Variants in ASH1L observed in about 807,000 individuals in gnomAD.
ASH1L encodes the protein ASH1 like histone lysine methyltransferase, also known as histone-lysine N-methyltransferase ASH1L.
A neutral mutation model predicts 269.0 loss-of-function variants in ASH1L; 23 were observed. The ratio of observed to expected loss-of-function variants is 0.09; its 90% CI spans 0.06 to 0.12. The LOEUF (loss-of-function observed/expected upper bound fraction) is 0.12. ASH1L is among the 10% of genes least tolerant of loss of function. The pLI is 1.00. For missense variants in ASH1L, 2,912 were observed against 3,567.8 expected (o/e 0.82, Z 4.68); for synonymous variants, 1,187 against 1,253.5 (o/e 0.95, Z 1.12).
At chr1:155,440,667 T>G (rs1662479719) in intron 4 of ASH1L, 1 of 220,304 alleles carries the variant, frequency 4.5e-6, no homozygotes, top group Non-Finnish European at 7.7e-6. Context: ...TTAAAAACTT[T>G]CTAGCCTGAG....
intron 1 of ASH1L, among the ~76,000 whole-genome samples, chr1:155,552,784 C>T (rs1019834877): frequency 6.6e-6 from 1 of 152,090 alleles, no homozygotes; most frequent in Non-Finnish European, 1.5e-5. Context: ...AAGGACATTG[C>T]TTATATACAC....
chr1:155,440,087 A>C (rs1015597562), intron 4 of ASH1L, among the ~76,000 whole-genome samples: 21 of 152,040 alleles, frequency 1.4e-4, no homozygotes, highest in African/African-American at 3.9e-4. Context: ...AGGTGGAAGG[A>C]TCACTTGATG....
chr1:155,476,836 A>G (rs1570929431), intron 3 of ASH1L, among the ~76,000 whole-genome samples: 1 of 152,106 alleles, frequency 6.6e-6, no homozygotes, highest in Admixed American at 6.6e-5. Context: ...TACAGGTGTG[A>G]GCCACTGCGC....
At chr1:155,548,521 T>C (rs953974837) in intron 1 of ASH1L, among the ~76,000 whole-genome samples, 3 of 152,180 alleles carry the variant, frequency 2.0e-5, no homozygotes, top group African/African-American at 4.8e-5. Flanking sequence ...AGACTCCGTA[T>C]CAAACAAAAG....
chr1:155,371,119 G>A, intron 10 of ASH1L, 136 bp from the exon 11 acceptor site: 1 of 745,408 alleles, frequency 1.3e-6, no homozygotes, highest in Non-Finnish European at 2.2e-6. Flanking sequence ...GAATCACTAA[G>A]ATTAAAATAA....
chr1:155,461,230 G>A (rs1471126733), intron 3 of ASH1L, among the ~76,000 whole-genome samples: 1 of 152,162 alleles, frequency 6.6e-6, no homozygotes, highest in African/African-American at 2.4e-5. Context: ...CTAAGTTGCT[G>A]TTTCCTTTTC....
In ASH1L at chr1:155,346,614, T is replaced by C. The variant is rs557891236; in HGVS notation, c.7804-145A>G. On this transcript the variant is annotated intron_variant, in intron 20 of 27. Transcript: ENST00000392403. ...AACTGGGTGAATGATAAATTAGAGATAAATGGTAAAATAGGAGGAAAACAA... is the reference window on the plus strand; with the variant it reads ...AACTGGGTGAATGATAAATTAGAGACAAATGGTAAAATAGGAGGAAAACAA... 7.5e-5 allele frequency: 51 copies of C among 676,016 alleles called. 1 individual carries two copies. In the South Asian group the frequency reaches 8.4e-4, roughly 11 times the overall value. 41.9% of individuals were successfully genotyped at this position (676,016 alleles called of 1,614,324 possible).
At chr1:155,355,037 C>A (rs1180395499) in intron 15 of ASH1L, among the ~76,000 whole-genome samples, 1 of 152,162 alleles carries the variant, frequency 6.6e-6, no homozygotes, top group Non-Finnish European at 1.5e-5. Flanking sequence ...AGGTGCAGTG[C>A]TGCCATATGG....
At position 155,480,830 on chromosome 1, in the gene ASH1L, A is replaced by T; in HGVS notation, c.2040T>A (p.Pro680=). Reference sequence around the variant, plus strand: ...CAGATACTGCACCCAGTTTTAAAAAAGGCTTATTACTAAATAAACTAGTGA... The same window carrying T: ...CAGATACTGCACCCAGTTTTAAAAATGGCTTATTACTAAATAAACTAGTGA... ...VNFTSLFSNK[P]FLKLGAVSAS... is the part of the protein sequence containing the mutation. The change falls in exon 3 of 28, where the codon CCT becomes CCA. Residue 680 remains proline, a synonymous_variant. Transcript: ENST00000392403. The T allele has an allele frequency of 6.2e-7, 1 of 1,614,046 alleles. No individual in the cohort carries two copies. The highest frequency in any genetic ancestry group is 1.1e-5 in the South Asian group (1 of 91,068).
intron 1 of ASH1L, among the ~76,000 whole-genome samples, chr1:155,551,158 T>C (rs903247682): frequency 6.6e-6 from 1 of 152,152 alleles, no homozygotes; most frequent in Non-Finnish European, 1.5e-5. Context: ...TGTTTTTCAC[T>C]TTCTTCCTGC....
chr1:155,510,007 G>A (rs898253880), intron 2 of ASH1L, among the ~76,000 whole-genome samples: 2 of 152,096 alleles, frequency 1.3e-5, no homozygotes, highest in African/African-American at 4.8e-5. Flanking sequence ...CTAATGACAC[G>A]TCAAAAATCC....
chr1:155,553,819 G>A (rs565580102), intron 1 of ASH1L, among the ~76,000 whole-genome samples: 2 of 147,294 alleles, frequency 1.4e-5, no homozygotes, highest in East Asian at 3.9e-4. Context: ...TTTTTTTTGA[G>A]ATGAAATCTC....
At chr1:155,548,322 T>G (rs895402670) in intron 1 of ASH1L, among the ~76,000 whole-genome samples, 1 of 152,024 alleles carries the variant, frequency 6.6e-6, no homozygotes, top group African/African-American at 2.4e-5. Flanking sequence ...AGGAGTTCAA[T>G]ACCAGCCTGA....
At chr1:155,419,281 A>C (rs1342689725) in intron 5 of ASH1L, 1 of 151,974 alleles carries the variant, frequency 6.6e-6, no homozygotes, top group Non-Finnish European at 1.5e-5. Context: ...TATCCAAAAC[A>C]GTGCAAACCA....
chr1:155,471,278 G>T (rs939266059), intron 3 of ASH1L, among the ~76,000 whole-genome samples: 11 of 152,182 alleles, frequency 7.2e-5, no homozygotes, highest in African/African-American at 2.7e-4. Flanking sequence ...AAAAACCCTT[G>T]TAATTACCCA....
chr1:155,411,756 C>CAGG (rs1266974337), intron 6 of ASH1L, among the ~76,000 whole-genome samples: 2 of 150,586 alleles, frequency 1.3e-5, no homozygotes, highest in African/African-American at 4.9e-5. Context: ...CTACCTAAGG[C>CAGG]AGGACTCTAA....
intron 3 of ASH1L, among the ~76,000 whole-genome samples, chr1:155,468,590 A>G (rs921233544): frequency 1.3e-5 from 2 of 152,098 alleles, no homozygotes. Flanking sequence ...TTATAATCCA[A>G]TCCTCTCATA....
rs758146320 is a variant in ASH1L, at chr1:155,478,069, C to T, written c.4801G>A (p.Asp1601Asn). The change falls in exon 3 of 28, where the codon GAT becomes AAT. Residue 1601 changes from aspartate to asparagine, a missense_variant. Asp to Asn is a conservative substitution (Grantham distance 23, BLOSUM62 1). Around this residue, in one of 13 missense-constraint regions of ASH1L, gnomAD observed 789 missense variants for 897.6 expected, o/e 0.88. Coordinates refer to ENST00000392403, the MANE Select transcript of ASH1L (RefSeq NM_018489.3). The surrounding 1 kb of genome is among the most constrained non-coding windows in gnomAD (Gnocchi z 4.6). ...CTTGTGAAAAGGTTTGTATGTTCAT[C>T]ACTGCTGGCTGGCTCAGAGTTGGGA... ...FTPNSEPASS[D>N]EHTNLFTSAI... 2.5e-6 allele frequency: 4 copies of T among 1,614,204 alleles called. No homozygotes were observed. Among genetic ancestry groups the T allele is most frequent in the Non-Finnish European group, 2.5e-6 (3 of 1,180,042 alleles).
intron 4 of ASH1L, among the ~76,000 whole-genome samples, chr1:155,453,536 A>G (rs1444094918): frequency 2.2e-4 from 34 of 152,206 alleles, no homozygotes; most frequent in Admixed American, 2.2e-3. Flanking sequence ...GCAGTGGCTC[A>G]CGCCTCTAAT....
Sources: gnomAD v4.1 joint callset for allele counts (sites outside exome capture counted in the v4.1 genomes callset) on GRCh38, gnomAD v4.1.1 for gene constraint, gnomAD v4.1.1 regional missense constraint, Gnocchi (gnomAD v3.1) non-coding constraint, MANE v1.5 for transcripts, NCBI Gene and HGNC (gene_info 2026-07-23, HGNC 2026-07-21) for gene names.